The following APOBEC1 variants were observed in gnomAD, a reference collection of about 807,000 sequenced individuals.
APOBEC1 encodes the protein apolipoprotein B mRNA editing enzyme catalytic subunit 1.
In APOBEC1, 22 loss-of-function variants were observed where a neutral mutation model predicts 26.3. That is an observed-to-expected ratio of 0.84 (90% confidence interval 0.60 to 1.19). The LOEUF is 1.19. Ranked by LOEUF, APOBEC1 falls within the 50% of genes most tolerant of loss-of-function variation. The pLI, the probability that APOBEC1 is intolerant of heterozygous loss-of-function variation, is 0.00. For missense variants in APOBEC1, 253 were observed against 289.0 expected (o/e 0.88, Z 0.90); for synonymous variants, 77 against 95.3 (o/e 0.81, Z 1.12).
At chr12:7,660,789 T>C (rs1863806889) in intron 1 of APOBEC1, among the ~76,000 whole-genome samples, 1 of 150,368 alleles carries the variant, frequency 6.7e-6, no homozygotes, top group South Asian at 2.1e-4. Flanking sequence ...TGCAGCAACA[T>C]AGATGCAGCT....
intron 1 of APOBEC1, among the ~76,000 whole-genome samples, chr12:7,659,320 A>AAAAAAAAAAT (rs1863767278): frequency 1.5e-5 from 1 of 64,646 alleles, no homozygotes; most frequent in Admixed American, 1.8e-4. Flanking sequence ...AAAAAAAAAA[A>AAAAAAAAAAT]AAATATATAT....
upstream of APOBEC1, among the ~76,000 whole-genome samples, chr12:7,666,484 G>A (rs748034258): frequency 8.6e-5 from 13 of 151,672 alleles, no homozygotes; most frequent in African/African-American, 1.5e-4. Flanking sequence ...TAGTAGAGAC[G>A]GGGTTTCACC....
chr12:7,667,261 T>C (rs888674186), upstream of APOBEC1, among the ~76,000 whole-genome samples: 7 of 152,120 alleles, frequency 4.6e-5, no homozygotes, highest in Non-Finnish European at 8.8e-5. Context: ...TACTTCCCTA[T>C]GCCATTGCTC....
intron 1 of APOBEC1, 51 bp downstream of exon 1, chr12:7,665,806 C>A (rs372161223): frequency 2.4e-6 from 3 of 1,224,990 alleles, no homozygotes; most frequent in Non-Finnish European, 3.6e-6. Context: ...CACACACACA[C>A]CATTCTTGCA....
At chr12:7,664,894 G>A (rs1214122555) in intron 1 of APOBEC1, among the ~76,000 whole-genome samples, 2 of 139,286 alleles carry the variant, frequency 1.4e-5, no homozygotes, top group Admixed American at 7.3e-5. Context: ...GCAACAGGGC[G>A]AGTCTTAAAA....
chr12:7,663,718 C>G (rs962371466), intron 1 of APOBEC1, among the ~76,000 whole-genome samples: 1 of 152,100 alleles, frequency 6.6e-6, no homozygotes, highest in Non-Finnish European at 1.5e-5. Context: ...GATGCAAAGA[C>G]AAGGATACCA....
intron 3 of APOBEC1, among the ~76,000 whole-genome samples, chr12:7,651,875 C>T (rs1592056756): frequency 2.0e-5 from 3 of 150,908 alleles, no homozygotes. Context: ...GGCTGGAGTG[C>T]AGTGGCGCGA....
chr12:7,650,909 C>T (rs967266953), intron 4 of APOBEC1, 114 bp downstream of exon 4: 2 of 773,724 alleles, frequency 2.6e-6, no homozygotes, highest in African/African-American at 3.5e-5. Flanking sequence ...AGTTAAATAA[C>T]TAAATCTCAA....
chr12:7,652,406 A>G (rs1287243190), intron 3 of APOBEC1, 32 bp downstream of exon 3: 4 of 1,577,392 alleles, frequency 2.5e-6, no homozygotes, highest in Non-Finnish European at 3.4e-6. Context: ...GTCTGTTGTA[A>G]ACAATGAAGT....
At chr12:7,651,884 G>T (rs376207244) in intron 3 of APOBEC1, among the ~76,000 whole-genome samples, 188 of 150,748 alleles carry the variant, frequency 1.2e-3, no homozygotes, top group Non-Finnish European at 2.1e-3. Context: ...GCAGTGGCGC[G>T]ATCTCGGCTC....
intron 1 of APOBEC1, 118 bp from the exon 2 acceptor site, chr12:7,654,750 C>G: frequency 9.9e-7 from 1 of 1,005,342 alleles, no homozygotes; most frequent in Non-Finnish European, 1.5e-6. Context: ...TTTGAAGATT[C>G]TCTCATGGAT....
At chr12:7,651,948 G>A (rs1476201051) in intron 3 of APOBEC1, among the ~76,000 whole-genome samples, 1 of 151,978 alleles carries the variant, frequency 6.6e-6, no homozygotes, top group Non-Finnish European at 1.5e-5. Flanking sequence ...AGCCTCCCGA[G>A]TAGCTGGGAC....
chr12:7,656,267 C>A (rs893657871), intron 1 of APOBEC1, among the ~76,000 whole-genome samples: 2 of 152,122 alleles, frequency 1.3e-5, no homozygotes, highest in Non-Finnish European at 2.9e-5. Flanking sequence ...TGAAATCATG[C>A]CTCACCTGGC....
upstream of APOBEC1, among the ~76,000 whole-genome samples, chr12:7,670,056 T>C (rs1403604362): frequency 1.5e-4 from 22 of 146,220 alleles, no homozygotes; most frequent in Admixed American, 2.7e-4. Flanking sequence ...CCATCTTGGC[T>C]CACTGCAACC....
At chr12:7,668,056 C>T (rs1863915245), upstream of APOBEC1, among the ~76,000 whole-genome samples, 2 of 152,040 alleles carry the variant, frequency 1.3e-5, no homozygotes. Flanking sequence ...AGAAGACAAT[C>T]CTGGATTATG....
At chr12:7,656,937 T>C (rs1332781584) in intron 1 of APOBEC1, among the ~76,000 whole-genome samples, 1 of 152,114 alleles carries the variant, frequency 6.6e-6, no homozygotes, top group Non-Finnish European at 1.5e-5. Context: ...TGTGTAAGAA[T>C]ACTTCTCTTT....
In APOBEC1 at chr12:7,660,843, A is replaced by G. The variant is rs947516659; in HGVS notation, c.16+5014T>C. The stretch of plus-strand genomic sequence containing the variant: ...CAAATTAACACAGAAACAGAAAACC[A>G]AATATTGCATGTTCTCACTTATAAG... On this transcript the variant is annotated intron_variant, in intron 1 of 4. Coordinates refer to ENST00000229304, the MANE Select transcript of APOBEC1 (RefSeq NM_001644.5). Among the ~76,000 whole-genome samples the G allele has an allele frequency of 2.0e-5, 3 of 151,718 alleles. No homozygotes were observed. The East Asian group carries it at 5.8e-4, about 29-fold the overall frequency.
intron 1 of APOBEC1, among the ~76,000 whole-genome samples, chr12:7,660,701 TAAAA>T (rs34455959): frequency 8.3e-6 from 1 of 120,056 alleles, no homozygotes; most frequent in Non-Finnish European, 1.7e-5. Context: ...AGATTCCATC[TAAAA>T]AAAAAAAAAA....
chr12:7,660,371 G>GAAAGAAAGAAAGAAAGAAAGAAA (rs1555094880), intron 1 of APOBEC1, among the ~76,000 whole-genome samples: 1 of 18,046 alleles, frequency 5.5e-5, no homozygotes, highest in African/African-American at 1.6e-4. Flanking sequence ...AAGGAAGGAA[G>GAAAGAAAGAAAGAAAGAAAGAAA]GAAGGAAAGA....
Sources: gnomAD v4.1 joint callset for allele counts (sites outside exome capture counted in the v4.1 genomes callset) on GRCh38, gnomAD v4.1.1 for gene constraint, MANE v1.5 for transcripts, NCBI Gene and HGNC (gene_info 2026-07-23, HGNC 2026-07-21) for gene names.